The following KCNE1 variants were observed in gnomAD, a reference collection of about 807,000 sequenced individuals.
KCNE1 encodes potassium voltage-gated channel subfamily E member 1.
In KCNE1, 1 loss-of-function variant was observed where a neutral mutation model predicts 2.9. The observed-to-expected ratio is 0.34, with a 90% confidence interval of 0.12 to 1.62. The LOEUF (loss-of-function observed/expected upper bound fraction) is 1.62. KCNE1 is among the 40% of genes most tolerant of loss of function. The pLI is 0.36. For synonymous variants in KCNE1, 23 were observed against 65.4 expected, an observed-to-expected ratio of 0.35 and a Z score of 3.13; for missense variants, 45 against 150.5, an observed-to-expected ratio of 0.30 and a Z score of 3.67.
chr21:34,498,895 G>A (rs545461689), intron 2 of KCNE1, among the ~76,000 whole-genome samples: 1 of 152,214 alleles, frequency 6.6e-6, no homozygotes, highest in Non-Finnish European at 1.5e-5. Flanking sequence ...ATCTAAGCTT[G>A]CCCGAATTTG....
intron 2 of KCNE1, among the ~76,000 whole-genome samples, chr21:34,504,830 G>A (rs1460721084): frequency 6.6e-6 from 1 of 152,194 alleles, no homozygotes; most frequent in Non-Finnish European, 1.5e-5. Context: ...TCATTCATAT[G>A]AAAGTCCAGA....
rs529000689 is a variant in KCNE1, at chr21:34,499,422, C to T, written c.-162+11679G>A. ...TCTGTAGCAGTTCCCTTTTGCCCTC[C>T]GGATTCTGTTCAAGAGAATTTGCAC... On this transcript the variant is annotated intron_variant, in intron 2 of 3. Coordinates refer to ENST00000399286, the MANE Select transcript of KCNE1 (RefSeq NM_000219.6). Among the ~76,000 whole-genome samples, 198 of 152,306 alleles carry T rather than the reference C, an allele frequency of 1.3e-3. 1 individual carries two copies. The highest frequency in any genetic ancestry group is 6.8e-3 in the Middle Eastern group (2 of 294).
intron 2 of KCNE1, among the ~76,000 whole-genome samples, chr21:34,498,518 T>C (rs923644022): frequency 1.3e-5 from 2 of 152,230 alleles, no homozygotes; most frequent in Non-Finnish European, 2.9e-5. Flanking sequence ...GGGCTGGTGC[T>C]GCGGAATGTC....
At position 34,511,225 on chromosome 21, in the gene KCNE1, C is replaced by T; in HGVS notation, c.-286G>A. Reference sequence around the variant, plus strand: ...TTTTGAGTTATCCTTCTGGTCTCTTCCTCCTGAGCACGGTTCTCCTGGTTG... The same window carrying T: ...TTTTGAGTTATCCTTCTGGTCTCTTTCTCCTGAGCACGGTTCTCCTGGTTG... On this transcript the variant is annotated 5_prime_UTR_variant, in exon 2 of 4. Transcript: ENST00000399286. 2 of 985,794 alleles carry T rather than the reference C, an allele frequency of 2.0e-6. No individual in the cohort carries two copies. The highest frequency in any genetic ancestry group is 2.4e-6 in the Non-Finnish European group (2 of 830,178). 61.1% of individuals were successfully genotyped at this position (985,794 alleles called of 1,614,324 possible).
intron 2 of KCNE1, among the ~76,000 whole-genome samples, chr21:34,497,704 C>T (rs1224597951): frequency 2.6e-5 from 4 of 152,088 alleles, no homozygotes; most frequent in African/African-American, 9.7e-5. Flanking sequence ...ATTCTTTGAG[C>T]TTGTTTGATA....
chr21:34,503,604 AAG>A (rs1983298688), intron 2 of KCNE1, among the ~76,000 whole-genome samples: 1 of 152,174 alleles, frequency 6.6e-6, no homozygotes, highest in Non-Finnish European at 1.5e-5. Flanking sequence ...TCCCATCCTG[AAG>A]TTACCTAGAG....
At chr21:34,497,713 T>C (rs1033027560) in intron 2 of KCNE1, among the ~76,000 whole-genome samples, 4 of 152,246 alleles carry the variant, frequency 2.6e-5, no homozygotes, top group African/African-American at 9.6e-5. Context: ...GCTTGTTTGA[T>C]ATCTAGGTCT....
chr21:34,502,994 G>A (rs140806029), intron 2 of KCNE1, among the ~76,000 whole-genome samples: 1 of 152,242 alleles, frequency 6.6e-6, no homozygotes, highest in Non-Finnish European at 1.5e-5. Context: ...ACACGTATCA[G>A]TAAAGCAATT....
chr21:34,507,117 T>C (rs1045036871), intron 2 of KCNE1, among the ~76,000 whole-genome samples: 1 of 152,216 alleles, frequency 6.6e-6, no homozygotes, highest in African/African-American at 2.4e-5. Flanking sequence ...GAAGACTTGA[T>C]GCTTTCAAAA....
intron 2 of KCNE1, among the ~76,000 whole-genome samples, chr21:34,505,541 A>C (rs191204727): frequency 2.6e-5 from 4 of 152,206 alleles, no homozygotes; most frequent in Non-Finnish European, 5.9e-5. Flanking sequence ...AGTGTGAGGC[A>C]GGGATCAATG....
chr21:34,500,065 C>A (rs8127146), intron 2 of KCNE1, among the ~76,000 whole-genome samples: 2 of 151,898 alleles, frequency 1.3e-5, no homozygotes, highest in Non-Finnish European at 2.9e-5. Context: ...CCAAAGACAC[C>A]GATATTTATA....
chr21:34,498,848 C>A (rs1982968918), intron 2 of KCNE1, among the ~76,000 whole-genome samples: 2 of 152,188 alleles, frequency 1.3e-5, no homozygotes, highest in South Asian at 4.1e-4. Flanking sequence ...AGAGATGGTG[C>A]TTTCAAGAGA....
intron 2 of KCNE1, among the ~76,000 whole-genome samples, chr21:34,496,530 G>A (rs1982819823): frequency 6.6e-6 from 1 of 152,118 alleles, no homozygotes; most frequent in Non-Finnish European, 1.5e-5. Flanking sequence ...AGGGTAGTTG[G>A]TATAATTTCA....
At chr21:34,501,874 G>A (rs951716271) in intron 2 of KCNE1, among the ~76,000 whole-genome samples, 2 of 152,164 alleles carry the variant, frequency 1.3e-5, no homozygotes, top group Non-Finnish European at 2.9e-5. Context: ...TCCAGTCAAG[G>A]TGCACCTCAG....
chr21:34,508,043 T>G (rs910304590), intron 2 of KCNE1, among the ~76,000 whole-genome samples: 17 of 152,164 alleles, frequency 1.1e-4, no homozygotes, highest in African/African-American at 4.1e-4. Flanking sequence ...CTTTTTTTTT[T>G]TGAGACAGGG....
At chr21:34,497,844 A>G (rs1158794725) in intron 2 of KCNE1, among the ~76,000 whole-genome samples, 1 of 151,570 alleles carries the variant, frequency 6.6e-6, no homozygotes, top group African/African-American at 2.4e-5. Flanking sequence ...CATAATCCCA[A>G]ATTTCTTGGG....
At chr21:34,502,777 C>T (rs1307751704) in intron 2 of KCNE1, among the ~76,000 whole-genome samples, 1 of 152,256 alleles carries the variant, frequency 6.6e-6, no homozygotes, top group East Asian at 1.9e-4. Context: ...GCCTGTAATT[C>T]AGCCAAGGCT....
chr21:34,499,847 C>T (rs2409522), intron 2 of KCNE1, among the ~76,000 whole-genome samples: 75,195 of 152,012 alleles, frequency 0.49, 18,856 homozygotes, highest in African/African-American at 0.55. Context: ...TTTCCTGGTA[C>T]GTTCCTGTGG....
In KCNE1 at chr21:34,499,702, G is replaced by A. The variant is rs146929277; in HGVS notation, c.-162+11399C>T. 3.9e-3 allele frequency among the ~76,000 whole-genome samples: 590 copies of A among 152,298 alleles called. 5 individuals carry two copies. The Middle Eastern group carries it at 0.041, about 11-fold the overall frequency. The stretch of plus-strand genomic sequence containing the variant: ...CTTCTCCTGTAATCTGGATTTTCAG[G>A]TTCCCCATTGGGGATATGTGCTTGG... On this transcript the variant is annotated intron_variant, in intron 2 of 3. Coordinates refer to ENST00000399286, the MANE Select transcript of KCNE1 (RefSeq NM_000219.6).
Sources: allele counts gnomAD v4.1 joint callset (sites outside exome capture counted in the v4.1 genomes callset), GRCh38; gene constraint gnomAD v4.1.1; transcripts MANE v1.5; gene names NCBI Gene and HGNC (gene_info 2026-07-23, HGNC 2026-07-21).